ZNF454: variants seen among roughly 807,000 people sequenced by gnomAD.
ZNF454 encodes zinc finger protein 454.
In ZNF454, 30 loss-of-function variants were observed where a neutral mutation model predicts 48.2. That is an observed-to-expected ratio of 0.62 (90% CI 0.47 to 0.84). The LOEUF (loss-of-function observed/expected upper bound fraction) is 0.84, where lower values mean the gene tolerates loss of function less well. Among genes scored for constraint, ZNF454 ranks in the 40% least tolerant of loss-of-function variants. The pLI is 0.00. For synonymous variants in ZNF454, 204 were observed against 211.4 expected, an observed-to-expected ratio of 0.97 and a Z score of 0.30; for missense variants, 510 against 623.1, an observed-to-expected ratio of 0.82 and a Z score of 1.93.
At chr5:178,945,416 A>G (rs558476209) in intron 2 of ZNF454, among the ~76,000 whole-genome samples, 1 of 129,744 alleles carries the variant, frequency 7.7e-6, no homozygotes, top group African/African-American at 3.0e-5. Context: ...AGGGGTACGG[A>G]TATGGGTGTG....
At chr5:178,970,383 T>G (rs568135144), downstream of ZNF454, among the ~76,000 whole-genome samples, 31 of 152,150 alleles carry the variant, frequency 2.0e-4, no homozygotes, top group African/African-American at 7.0e-4. Flanking sequence ...TTTAAATATT[T>G]TTGTAACAGT....
intron 4 of ZNF454, among the ~76,000 whole-genome samples, chr5:178,947,260 T>C (rs1021494050): frequency 2.0e-5 from 3 of 152,206 alleles, no homozygotes; most frequent in African/African-American, 4.8e-5. Context: ...CAACTTCATC[T>C]GGGCAGTTCT....
intron 4 of ZNF454, among the ~76,000 whole-genome samples, chr5:178,959,425 A>C (rs1759906890): frequency 6.6e-6 from 1 of 152,172 alleles, no homozygotes; most frequent in Admixed American, 6.5e-5. Context: ...GCATTATAAT[A>C]AGCCTTACAC....
At chr5:178,949,195 C>T (rs1009872739) in intron 4 of ZNF454, among the ~76,000 whole-genome samples, 1 of 151,964 alleles carries the variant, frequency 6.6e-6, no homozygotes, top group African/African-American at 2.4e-5. Flanking sequence ...GGATTACAGG[C>T]GCCTGCCACC....
the ZNF454 span, chr5:178,983,031 G>C: frequency 5.0e-6 from 8 of 1,613,912 alleles, no homozygotes; most frequent in Non-Finnish European, 6.8e-6. Context: ...CACGCCACGG[G>C]CCTTGATGGC....
At chr5:178,973,975 ATAGT>A in the ZNF454 span, among the ~76,000 whole-genome samples, 2 of 152,156 alleles carry the variant, frequency 1.3e-5, no homozygotes, top group Non-Finnish European at 2.9e-5. Context: ...CACCAGGGTC[ATAGT>A]TTAAACTTAT....
chr5:178,968,105 T>TCACACACACACATA (rs1760192559), downstream of ZNF454, among the ~76,000 whole-genome samples: 1 of 145,000 alleles, frequency 6.9e-6, no homozygotes, highest in Non-Finnish European at 1.5e-5. Context: ...CATCTGTGCA[T>TCACACACACACATA]CACACACACA....
At chr5:178,943,489 T>C (rs890327310) in intron 2 of ZNF454, among the ~76,000 whole-genome samples, 1 of 152,042 alleles carries the variant, frequency 6.6e-6, no homozygotes, top group African/African-American at 2.4e-5. Context: ...CCCTCCAACA[T>C]TGGAGGTCAC....
intron 4 of ZNF454, among the ~76,000 whole-genome samples, chr5:178,950,058 A>AG (rs1181907340): frequency 6.6e-6 from 1 of 151,888 alleles, no homozygotes; most frequent in Admixed American, 6.6e-5. Flanking sequence ...TTGTGTGTGG[A>AG]GACAAGGTCT....
intron 4 of ZNF454, among the ~76,000 whole-genome samples, chr5:178,954,140 C>T (rs1043666840): frequency 4.6e-5 from 7 of 152,012 alleles, no homozygotes; most frequent in South Asian, 2.1e-4. Context: ...AGCCTGTAAT[C>T]CCAGCTACTC....
In ZNF454 at chr5:178,957,084, A is replaced by G. The variant is rs566498775; in HGVS notation, c.251-7571A>G. Among the ~76,000 whole-genome samples the G allele has an allele frequency of 2.0e-5, 3 of 152,088 alleles. No homozygotes were observed. The South Asian group carries it at 6.2e-4, about 32-fold the overall frequency. On this transcript the variant is annotated intron_variant, in intron 4 of 4. Transcript: ENST00000519564. ...TTTTTAGTAGAGACAGGGTTTCACC[A>G]TGTTGGCCAGGGTGGTCTCGATCTC...
At chr5:178,983,293 C>T in the ZNF454 span, 1 of 1,355,358 alleles carries the variant, frequency 7.4e-7, no homozygotes, top group Non-Finnish European at 1.0e-6. Context: ...GACAGAGGCC[C>T]CTGCGGGTCA....
chr5:178,965,643 A>C lies in ZNF454; in HGVS notation c.1239A>C (p.Arg413Ser). ...TTCACACTGGAGAGAAACCTTACAG[A>C]TGTGGCTTGTGTGAGAAAGCCTTTC... ...RKIHTGEKPY[R>S]CGLCEKAFRD... Residue 413 changes from arginine to serine, a missense_variant, in exon 5 of 5, where the codon AGA becomes AGC. By Grantham distance (110) the Arg-to-Ser change is moderately radical. Around this residue, in one of 3 missense-constraint regions of ZNF454, gnomAD observed 153 missense variants for 195.8 expected, o/e 0.78. Transcript: ENST00000519564. The surrounding 1 kb of genome is among the most constrained non-coding windows in gnomAD (Gnocchi z 5.2). The C allele has an allele frequency of 6.2e-7, 1 of 1,614,220 alleles. No homozygotes were observed. The highest frequency in any genetic ancestry group is 8.5e-7 in the Non-Finnish European group (1 of 1,180,046).
chr5:178,983,354 G>C, the ZNF454 span: 1 of 810,436 alleles, frequency 1.2e-6, no homozygotes, highest in Non-Finnish European at 2.1e-6. Flanking sequence ...CCTCTTCGTG[G>C]TGGCTCTCAG....
At chr5:178,970,465 C>G (rs141599260), downstream of ZNF454, among the ~76,000 whole-genome samples, 153 of 152,256 alleles carry the variant, frequency 1.0e-3, no homozygotes, top group African/African-American at 3.6e-3. Context: ...TGCTGATGGT[C>G]CTTTGCAGGT....
chr5:178,979,721 T>C, the ZNF454 span: 1 of 152,136 alleles, frequency 6.6e-6, no homozygotes, highest in South Asian at 2.1e-4. Flanking sequence ...GTGGAAAAGT[T>C]TTCAGCTAGA....
intron 4 of ZNF454, among the ~76,000 whole-genome samples, chr5:178,959,885 A>G (rs3857416): frequency 0.27 from 40,918 of 150,668 alleles, 6,258 homozygotes; most frequent in East Asian, 0.42. Context: ...GATTACAGGC[A>G]TGAGCCACCG....
chr5:178,962,615 G>T (rs1242266579), intron 4 of ZNF454, among the ~76,000 whole-genome samples: 1 of 151,546 alleles, frequency 6.6e-6, no homozygotes, highest in Admixed American at 6.6e-5. Context: ...TCTCATTCCT[G>T]TTTCCTTGAA....
chr5:178,970,564 C>T (rs1441363709), downstream of ZNF454, among the ~76,000 whole-genome samples: 3 of 151,866 alleles, frequency 2.0e-5, no homozygotes, highest in Admixed American at 6.6e-5. Context: ...TTCTTTCAAG[C>T]GATTCTCCTG....
Sources: gnomAD v4.1 joint callset for allele counts (sites outside exome capture counted in the v4.1 genomes callset) on GRCh38, gnomAD v4.1.1 for gene constraint, gnomAD v4.1.1 regional missense constraint, Gnocchi (gnomAD v3.1) non-coding constraint, MANE v1.5 for transcripts, NCBI Gene and HGNC (gene_info 2026-07-23, HGNC 2026-07-21) for gene names.